Variants in PLEKHA7 observed in about 807,000 individuals in gnomAD.
The protein encoded by PLEKHA7 is pleckstrin homology domain-containing family A member 7.
In PLEKHA7, 104 loss-of-function variants were observed where a neutral mutation model predicts 170.0. The ratio of observed to expected loss-of-function variants is 0.61; its 90% CI spans 0.52 to 0.72. The LOEUF (loss-of-function observed/expected upper bound fraction) is 0.72, where lower values mean the gene tolerates loss of function less well. Ranked by LOEUF, PLEKHA7 falls within the 30% of genes least tolerant of loss-of-function variation. PLEKHA7 has a pLI of 0.00. For synonymous variants in PLEKHA7, 648 were observed against 660.8 expected, an observed-to-expected ratio of 0.98 and a Z score of 0.30; for missense variants, 1,615 against 1,671.7, an observed-to-expected ratio of 0.97 and a Z score of 0.59.
At chr11:16,833,051 G>C (rs948203347) in intron 9 of PLEKHA7, among the ~76,000 whole-genome samples, 4 of 152,238 alleles carry the variant, frequency 2.6e-5, no homozygotes, top group African/African-American at 9.6e-5. Context: ...CCTAGCATTT[G>C]AGGAAGGAGA....
In PLEKHA7 at chr11:16,816,130, T is replaced by C. The variant is rs368390582; in HGVS notation, c.1953+48A>G. The C allele has an allele frequency of 5.4e-6, 8 of 1,480,792 alleles. 1 individual carries two copies. The South Asian group carries it at 8.0e-5, about 15-fold the overall frequency. The allele number at this position is 1,480,792 out of a possible 1,614,324, so 91.7% of individuals were successfully genotyped here. On this transcript the variant is annotated intron_variant, in intron 12 of 26. Coordinates refer to ENST00000531066, the MANE Select transcript of PLEKHA7 (RefSeq NM_001329630.2). ...TTGTACTAACTCAGAGGAAGGAAAA[T>C]GTTGATGAGATAGGGCTTTGCAGGC... is the stretch of plus-strand genomic sequence containing the variant.
At chr11:17,007,021 C>T (rs1435446042) in intron 3 of PLEKHA7, among the ~76,000 whole-genome samples, 2 of 152,222 alleles carry the variant, frequency 1.3e-5, no homozygotes, top group Non-Finnish European at 2.9e-5. Context: ...AGGACTCATG[C>T]CTGGTCCCCA....
At chr11:16,867,293 A>T (rs1471466659) in intron 4 of PLEKHA7, among the ~76,000 whole-genome samples, 2 of 152,218 alleles carry the variant, frequency 1.3e-5, no homozygotes, top group East Asian at 3.9e-4. Flanking sequence ...CCAAGAATTT[A>T]CAGTTCTAAC....
chr11:16,943,654 A>G (rs943645152), intron 3 of PLEKHA7, among the ~76,000 whole-genome samples: 1 of 152,240 alleles, frequency 6.6e-6, no homozygotes, highest in Non-Finnish European at 1.5e-5. Flanking sequence ...GATTATTACA[A>G]TAAATAAGAG....
intron 3 of PLEKHA7, among the ~76,000 whole-genome samples, chr11:16,964,611 T>C (rs1378637275): frequency 2.0e-5 from 3 of 152,218 alleles, no homozygotes; most frequent in Admixed American, 2.0e-4. Flanking sequence ...TGTTTCACTC[T>C]GGGATTCCTT....
In PLEKHA7 at chr11:16,851,287, G is replaced by A. The variant is rs1261380797; in HGVS notation, c.600C>T (p.Ser200=). ...TGCTCCCGAGGACCGCTTCTTCTCGGCTGTCTTTGAATGGAAAAATGCATC... is the reference window on the plus strand; with the variant it reads ...TGCTCCCGAGGACCGCTTCTTCTCGACTGTCTTTGAATGGAAAAATGCATC... ...ADYCLFYYKD[S]REEAVLGSIP... is the part of the protein sequence containing the mutation. Residue 200 remains serine (S), a synonymous_variant, in exon 8 of 27, where the codon AGC becomes AGT. Transcript: ENST00000531066. 6 of 1,609,142 alleles carry A rather than the reference G, an allele frequency of 3.7e-6. No homozygotes were observed. The highest frequency in any genetic ancestry group is 5.1e-6 in the Non-Finnish European group (6 of 1,177,360).
rs1375545734 is a variant in PLEKHA7, at chr11:16,871,158, G to A, written c.246C>T (p.Phe82=). The A allele has an allele frequency of 2.5e-6, 4 of 1,609,634 alleles. No homozygotes were observed. In the East Asian group the frequency reaches 8.9e-5, roughly 36 times the overall value. Residue 82 remains phenylalanine (F), a synonymous_variant, in exon 4 of 27, where the codon TTC becomes TTT. Transcript: ENST00000531066. ...AAAACTGTCCCGTCACAGGATGCCT[G>A]AATGCTGTGGTCTGCTGGTTATGGC... ...FIDHNQQTTA[F]RHPVTGQFSP...
intron 13 of PLEKHA7, chr11:16,812,339 G>A (rs534306746): frequency 6.6e-6 from 1 of 152,366 alleles, no homozygotes; most frequent in African/African-American, 2.4e-5. Flanking sequence ...GTACACTGGA[G>A]ACTGTAGGGA....
chr11:16,945,044 C>G (rs1204671287), intron 3 of PLEKHA7, among the ~76,000 whole-genome samples: 2 of 152,160 alleles, frequency 1.3e-5, no homozygotes, highest in Admixed American at 6.5e-5. Flanking sequence ...TCAAGCAATT[C>G]TCCTGCCTCA....
At chr11:17,013,870 A>C (rs1373119025) in intron 3 of PLEKHA7, 119 bp downstream of exon 3, 14 of 1,128,740 alleles carry the variant, frequency 1.2e-5, no homozygotes, top group Non-Finnish European at 1.5e-5. Context: ...GCCGCGGCGC[A>C]GCGCGCGCCA....
In PLEKHA7 at chr11:16,783,848, G is replaced by C; in HGVS notation, c.3517-15C>G. The C allele has an allele frequency of 1.4e-6, 2 of 1,437,964 alleles. No individual in the cohort carries two copies. Among genetic ancestry groups the C allele is most frequent in the Non-Finnish European group, 1.8e-6 (2 of 1,097,878 alleles). The allele number at this position is 1,437,964 out of a possible 1,614,324, so 89.1% of individuals were successfully genotyped here. A position where few individuals can be genotyped will look rare whatever the true frequency, so the allele number is the denominator to read the frequency against. Reference sequence around the variant, plus strand: ...GGTTTGGACAGCTGGGGAGAGGCCAGGAGGTGGCAGAGGGAGAGGCTCAGA... The same window carrying C: ...GGTTTGGACAGCTGGGGAGAGGCCACGAGGTGGCAGAGGGAGAGGCTCAGA... On this transcript the variant is annotated splice_polypyrimidine_tract_variant and intron_variant, in intron 24 of 26. Transcript: ENST00000531066.
chr11:17,013,948 C>T (rs957536706), intron 3 of PLEKHA7, 41 bp downstream of exon 3: 27 of 1,507,010 alleles, frequency 1.8e-5, no homozygotes, highest in Non-Finnish European at 2.1e-5. Context: ...GGACCCCCCC[C>T]CCGCGGCACA....
chr11:17,013,977 CCACT>C lies in PLEKHA7; in HGVS notation c.221+8_221+11del. The C allele has an allele frequency of 3.9e-6, 6 of 1,537,034 alleles. No homozygotes were observed. Among genetic ancestry groups the C allele is most frequent in the Admixed American group, 4.0e-5 (2 of 50,250 alleles). Reference sequence around the variant, plus strand: ...CGGCACAGGTGCGAGCGCGGCGGCCCCACTCACTCACTCGATGAAGTAGCTGGCG... The same window carrying C: ...CGGCACAGGTGCGAGCGCGGCGGCCCCACTCACTCGATGAAGTAGCTGGCG... On this transcript the variant is annotated splice_region_variant and intron_variant, in intron 3 of 26. Coordinates refer to ENST00000531066, the MANE Select transcript of PLEKHA7 (RefSeq NM_001329630.2).
In PLEKHA7 at chr11:16,778,373, C is replaced by A. The variant is rs996881510; in HGVS notation, c.*625G>T. On this transcript the variant is annotated 3_prime_UTR_variant, in exon 27 of 27. Transcript: ENST00000531066. ...GTGGGCCCCAGTCCTCTTGAACACA[C>A]TGTTGCCCCTAAGCCAAACCCAAGG... is the stretch of plus-strand genomic sequence containing the variant. 1.3e-5 allele frequency: 2 copies of A among 152,738 alleles called. No homozygotes were observed. Among genetic ancestry groups the A allele is most frequent in the African/African-American group, 4.8e-5 (2 of 41,444 alleles). 9.5% of individuals were successfully genotyped at this position (152,738 alleles called of 1,614,324 possible).
chr11:16,935,358 G>A (rs1027849604), intron 3 of PLEKHA7, among the ~76,000 whole-genome samples: 22 of 152,226 alleles, frequency 1.4e-4, no homozygotes, highest in Admixed American at 8.5e-4. Context: ...GCTTGAACCC[G>A]TTGCAGTGAG....
intron 15 of PLEKHA7, 113 bp downstream of exon 15, chr11:16,802,859 A>G: frequency 1.0e-6 from 1 of 952,856 alleles, no homozygotes; most frequent in East Asian, 2.4e-5. Context: ...TTTTTTTTAA[A>G]TAAGCTAACA....
chr11:16,797,067 A>G (rs1189670190), intron 17 of PLEKHA7, among the ~76,000 whole-genome samples: 2 of 152,224 alleles, frequency 1.3e-5, no homozygotes, highest in African/African-American at 4.8e-5. Context: ...AAAAAAAATT[A>G]TAAACTCCAA....
chr11:16,979,529 C>T (rs1402500481), intron 3 of PLEKHA7, among the ~76,000 whole-genome samples: 1 of 152,124 alleles, frequency 6.6e-6, no homozygotes, highest in Non-Finnish European at 1.5e-5. Context: ...AATATTAAAC[C>T]CAATAATAGG....
At chr11:17,011,646 C>G (rs1207849426) in intron 3 of PLEKHA7, among the ~76,000 whole-genome samples, 1 of 152,140 alleles carries the variant, frequency 6.6e-6, no homozygotes, top group African/African-American at 2.4e-5. Flanking sequence ...TCTCACCCCT[C>G]TAAACACTGC....
Sources: allele counts gnomAD v4.1 joint callset (sites outside exome capture counted in the v4.1 genomes callset), GRCh38; gene constraint gnomAD v4.1.1; transcripts MANE v1.5; gene names NCBI Gene and HGNC (gene_info 2026-07-23, HGNC 2026-07-21).